MELTF: variants seen among roughly 807,000 people sequenced by gnomAD.
The protein encoded by MELTF is antigen p97 (melanoma associated) identified by monoclonal antibodies 133.2 and 96.5.
A neutral mutation model predicts 83.7 loss-of-function variants in MELTF; 67 were observed. That is an observed-to-expected ratio of 0.80 (90% CI 0.66 to 0.98). MELTF has a LOEUF of 0.98. Among genes scored for constraint, MELTF ranks in the 50% least tolerant of loss-of-function variants. The probability of loss-of-function intolerance (pLI) is 0.00; values close to 1 mark genes in which losing one functional copy is unlikely to be tolerated. For synonymous variants in MELTF, 462 were observed against 447.6 expected (o/e 1.03, Z -0.41); for missense variants, 1,002 against 1,035.6 (o/e 0.97, Z 0.44).
In MELTF at chr3:197,006,368, G is replaced by A. The variant is rs879867787; in HGVS notation, c.1938+181C>T. Among the ~76,000 whole-genome samples, 2 of 152,198 alleles carry A rather than the reference G, an allele frequency of 1.3e-5. No homozygotes were observed. Among genetic ancestry groups the A allele is most frequent in the Non-Finnish European group, 2.9e-5 (2 of 68,030 alleles). ...GTCCGACTGAGAAGGGAAAATCAAC[G>A]ATGCAGGAGGCAGAGGGGACAGTTT... On this transcript the variant is annotated intron_variant, in intron 14 of 15. Coordinates refer to ENST00000296350, the MANE Select transcript of MELTF (RefSeq NM_005929.6). This position sits in a 1 kb window ranked among gnomAD's most constrained non-coding sequence, Gnocchi z 5.4.
chr3:197,029,315 T>C lies in MELTF; in HGVS notation c.49+339A>G, dbSNP rs1719991968. 1 of 273,698 alleles carries C rather than the reference T, an allele frequency of 3.7e-6. No individual in the cohort carries two copies. The highest frequency in any genetic ancestry group is 6.8e-6 in the Non-Finnish European group (1 of 146,538). The allele number at this position is 273,698 out of a possible 1,614,324, so 17.0% of individuals were successfully genotyped here. On this transcript the variant is annotated intron_variant, in intron 1 of 15. Transcript: ENST00000296350. This position sits in a 1 kb window ranked among gnomAD's most constrained non-coding sequence, Gnocchi z 6.5. The stretch of plus-strand genomic sequence containing the variant: ...AGAGCTGCTCCGAGCCCCCAAAGTC[T>C]TCCTGAGTTCCTGCGCCCGTCGGGA...
intron 8 of MELTF, 98 bp from the exon 9 acceptor site, chr3:197,015,614 GGT>G (rs1719341392): frequency 2.3e-6 from 3 of 1,330,380 alleles, no homozygotes; most frequent in Non-Finnish European, 3.1e-6. Context: ...TCTCCTGTCA[GGT>G]GTGTGGCTGG....
Position 197,006,288 on chromosome 3 carries a change from AGTTT to A in MELTF, c.1938+257_1938+260del, listed in dbSNP as rs145145407. ...AGGATGGATGTGAGACCAAGAGGTT[AGTTT>A]GTTCTTTAAGGATGGCAGAAGTCAC... On this transcript the variant is annotated intron_variant, in intron 14 of 15. Transcript: ENST00000296350. The surrounding 1 kb of genome is among the most constrained non-coding windows in gnomAD (Gnocchi z 5.4). 3.9e-3 allele frequency among the ~76,000 whole-genome samples: 591 copies of A among 152,318 alleles called. 8 individuals are homozygous for A. Among genetic ancestry groups the A allele is most frequent in the East Asian group, 0.038 (196 of 5,184 alleles).
At chr3:197,009,495 C>T (rs982245528) in intron 11 of MELTF, 123 bp downstream of exon 11, 49 of 894,524 alleles carry the variant, frequency 5.5e-5, no homozygotes, top group Non-Finnish European at 8.0e-5. Context: ...TATGGAGATA[C>T]CTGGGCACAT....
At chr3:197,023,653 G>A (rs1326440987) in intron 4 of MELTF, among the ~76,000 whole-genome samples, 3 of 152,080 alleles carry the variant, frequency 2.0e-5, no homozygotes, top group Non-Finnish European at 4.4e-5. Flanking sequence ...CCCTGCTGCT[G>A]GCACCTGAGC....
chr3:197,019,726 C>T lies in MELTF; in HGVS notation c.712+1678G>A, dbSNP rs150223752. 6.2e-5 allele frequency: 100 copies of T among 1,612,340 alleles called. No individual in the cohort carries two copies. The African/African-American group carries it at 1.1e-3, about 18-fold the overall frequency. Reference sequence around the variant, plus strand: ...CCCAGCACTAGAGCGCATCGTCCTACGTGCTTCCTCGTGTGCAGGGCACTC... The same window carrying T: ...CCCAGCACTAGAGCGCATCGTCCTATGTGCTTCCTCGTGTGCAGGGCACTC... On this transcript the variant is annotated intron_variant, in intron 6 of 15. Transcript: ENST00000296350.
Position 197,022,993 on chromosome 3 carries a change from G to A in MELTF, c.608C>T (p.Pro203Leu), listed in dbSNP as rs750044497. 4 of 1,613,372 alleles carry A rather than the reference G, an allele frequency of 2.5e-6. No homozygotes were observed. The East Asian group carries it at 8.9e-5, about 36-fold the overall frequency. The change falls in exon 5 of 16, where the codon CCC becomes CTC. Residue 203 changes from proline (P) to leucine (L), a missense_variant. Physicochemically the swap from Pro to Leu is moderately conservative, Grantham distance 98. Coordinates refer to ENST00000296350, the MANE Select transcript of MELTF (RefSeq NM_005929.6). The surrounding 1 kb of genome is among the most constrained non-coding windows in gnomAD (Gnocchi z 5.1). Reference sequence around the variant, plus strand: ...GCTGTAGTCGTAGTATCTCTCCAGGGGGCTCTTGTCACACACCCCTTCCCC... The same window carrying A: ...GCTGTAGTCGTAGTATCTCTCCAGGAGGCTCTTGTCACACACCCCTTCCCC... ...SSGEGVCDKS[P>L]LERYYDYSGA...
chr3:197,017,289 C>T lies in MELTF; in HGVS notation c.714G>A (p.Gly238=). 1 of 1,538,134 alleles carries T rather than the reference C, an allele frequency of 6.5e-7. No individual in the cohort carries two copies. Among genetic ancestry groups the T allele is most frequent in the Non-Finnish European group, 8.8e-7 (1 of 1,139,684 alleles). The part of the protein sequence containing the change: ...KHSTVLENTD[G]KTLPSWGQAL... Reference sequence around the variant, plus strand: ...CCTGGCCCCAGGAGGGAAGCGTCTTCCCTGGGAAGCAGGAAGCCTGGGCTG... The same window carrying T: ...CCTGGCCCCAGGAGGGAAGCGTCTTTCCTGGGAAGCAGGAAGCCTGGGCTG... Residue 238 remains glycine, a splice_region_variant and synonymous_variant, in exon 7 of 16, where the codon GGG becomes GGA. Transcript: ENST00000296350.
Position 197,006,818 on chromosome 3 carries a change from A to G in MELTF, c.1751-82T>C. On this transcript the variant is annotated intron_variant, in intron 13 of 15. Transcript: ENST00000296350. The surrounding 1 kb of genome is among the most constrained non-coding windows in gnomAD (Gnocchi z 5.4). ...AGAGAAGCTGCTATCCTGGGACCCC[A>G]AGGCCTTCACCACAGGGAGGTGGCA... is the stretch of plus-strand genomic sequence containing the variant. 2 of 1,309,834 alleles carry G rather than the reference A, an allele frequency of 1.5e-6. No individual in the cohort carries two copies. The highest frequency in any genetic ancestry group is 2.0e-6 in the Non-Finnish European group (2 of 997,872). 81.1% of individuals were successfully genotyped at this position (1,309,834 alleles called of 1,614,324 possible). A position where few individuals can be genotyped will look rare whatever the true frequency, so the allele number is the denominator to read the frequency against.
chr3:197,008,198 G>C lies in MELTF; in HGVS notation c.1750+459C>G, dbSNP rs955967806. ...AAGAAAACCCCCTGTGTGGTATGTT[G>C]GGCGTGCCCTGCCTCGGTGTGGCTT... On this transcript the variant is annotated intron_variant, in intron 13 of 15. Transcript: ENST00000296350. The surrounding 1 kb of genome is among the most constrained non-coding windows in gnomAD (Gnocchi z 5.4). Among the ~76,000 whole-genome samples the C allele has an allele frequency of 2.0e-5, 3 of 152,176 alleles. No individual in the cohort carries two copies. The highest frequency in any genetic ancestry group is 4.4e-5 in the Non-Finnish European group (3 of 68,040).
intron 6 of MELTF, chr3:197,019,373 C>A: frequency 8.0e-7 from 1 of 1,243,506 alleles, no homozygotes; most frequent in South Asian, 2.9e-5. Context: ...CCACTTCTAC[C>A]CCTTGGCTCT....
chr3:197,021,420 T>C lies in MELTF; in HGVS notation c.696A>G (p.Val232=), dbSNP rs1354459332. The change falls in exon 6 of 16, where the codon GTA becomes GTG. Residue 232 remains valine (V), a synonymous_variant. Coordinates refer to ENST00000296350, the MANE Select transcript of MELTF (RefSeq NM_005929.6). ...CCCACTCACCATCCGTGTTCTCCAG[T>C]ACCGTGCTGTGCTTCACAAAAGCCA... The part of the protein sequence containing the change: ...GDVAFVKHST[V]LENTDGKTLP... The C allele has an allele frequency of 1.2e-6, 2 of 1,613,984 alleles. No homozygotes were observed. Among genetic ancestry groups the C allele is most frequent in the Non-Finnish European group, 1.7e-6 (2 of 1,180,018 alleles).
rs1300856980 is a variant in MELTF, at chr3:197,026,552, C to T, written c.304+108G>A. 3.1e-6 allele frequency: 3 copies of T among 957,278 alleles called. No homozygotes were observed. The Admixed American group carries it at 5.3e-5, about 17-fold the overall frequency. 59.3% of individuals were successfully genotyped at this position (957,278 alleles called of 1,614,324 possible). A position where few individuals can be genotyped will look rare whatever the true frequency, so the allele number is the denominator to read the frequency against. On this transcript the variant is annotated intron_variant, in intron 3 of 15. Coordinates refer to ENST00000296350, the MANE Select transcript of MELTF (RefSeq NM_005929.6). ...TCTTCTGGCTGGGACTCCAGGACTG[C>T]TCTGTGGACAGGGCTGATGGCCAGC...
At chr3:197,028,135 G>A in intron 1 of MELTF, 1 of 554,976 alleles carries the variant, frequency 1.8e-6, no homozygotes, top group Middle Eastern at 4.8e-4. Context: ...CTGGCAAATG[G>A]AATGGCTCAG....
chr3:197,013,773 G>A (rs1340741876), intron 9 of MELTF, among the ~76,000 whole-genome samples: 1 of 152,140 alleles, frequency 6.6e-6, no homozygotes, highest in Non-Finnish European at 1.5e-5. Flanking sequence ...TGATCATCAG[G>A]GAAATGCAAA....
At position 197,019,842 on chromosome 3, in the gene MELTF, A is replaced by G; in HGVS notation, c.712+1562T>C. 3 of 1,527,112 alleles carry G rather than the reference A, an allele frequency of 2.0e-6. No homozygotes were observed. The South Asian group carries it at 3.8e-5, about 19-fold the overall frequency. The allele number at this position is 1,527,112 out of a possible 1,614,324, so 94.6% of individuals were successfully genotyped here. Reference sequence around the variant, plus strand: ...ATGGTTAATAACAGCAAAGAATGACAATGATTTAAAAAAAAAACCCAATCA... The same window carrying G: ...ATGGTTAATAACAGCAAAGAATGACGATGATTTAAAAAAAAAACCCAATCA... On this transcript the variant is annotated intron_variant, in intron 6 of 15. Transcript: ENST00000296350.
chr3:197,003,779 G>C lies in MELTF; in HGVS notation c.2137+122C>G, dbSNP rs565832929. On this transcript the variant is annotated intron_variant, in intron 15 of 15. Coordinates refer to ENST00000296350, the MANE Select transcript of MELTF (RefSeq NM_005929.6). This position sits in a 1 kb window ranked among gnomAD's most constrained non-coding sequence, Gnocchi z 6.2. ...AAATCCTCCCGGGACACCCCACCTG[G>C]ACTGCTGCGAACGGGCCTCCACCCG... is the stretch of plus-strand genomic sequence containing the variant. The C allele has an allele frequency of 3.8e-6, 4 of 1,059,266 alleles. No individual in the cohort carries two copies. Among genetic ancestry groups the C allele is most frequent in the Non-Finnish European group, 5.4e-6 (4 of 739,172 alleles). The allele number at this position is 1,059,266 out of a possible 1,614,324, so 65.6% of individuals were successfully genotyped here. A position where few individuals can be genotyped will look rare whatever the true frequency, so the allele number is the denominator to read the frequency against.
At position 197,003,859 on chromosome 3, in the gene MELTF, C is replaced by T; in HGVS notation, c.2137+42G>A. The T allele has an allele frequency of 6.3e-7, 1 of 1,598,834 alleles. No homozygotes were observed. ...CCTCAGGGTTCTGGGGTGAAGGGGT[C>T]TGAATAGCACCAGGGGAGGCGGCAG... On this transcript the variant is annotated intron_variant, in intron 15 of 15. Coordinates refer to ENST00000296350, the MANE Select transcript of MELTF (RefSeq NM_005929.6). This position sits in a 1 kb window ranked among gnomAD's most constrained non-coding sequence, Gnocchi z 6.2.
intron 11 of MELTF, among the ~76,000 whole-genome samples, chr3:197,009,184 C>T (rs1719091941): frequency 6.6e-6 from 1 of 152,176 alleles, no homozygotes; most frequent in East Asian, 1.9e-4. Context: ...CATCACCAAA[C>T]ATCACCCAGC....
Sources: gnomAD v4.1 joint callset for allele counts (sites outside exome capture counted in the v4.1 genomes callset) on GRCh38, gnomAD v4.1.1 for gene constraint, Gnocchi (gnomAD v3.1) non-coding constraint, MANE v1.5 for transcripts, NCBI Gene and HGNC (gene_info 2026-07-23, HGNC 2026-07-21) for gene names.